Variants in ZNF407 observed in about 807,000 individuals in gnomAD.
ZNF407 encodes zinc finger protein 407.
ZNF407 carries 17 observed loss-of-function variants against 131.2 expected under a neutral mutation model. The observed-to-expected ratio is 0.13, with a 90% CI of 0.09 to 0.19. ZNF407 has a LOEUF of 0.19. Ranked by LOEUF, ZNF407 falls within the 10% of genes least tolerant of loss-of-function variation. ZNF407 has a pLI of 1.00. For synonymous variants in ZNF407, 1,156 were observed against 1,062.0 expected (o/e 1.09, Z -1.72); for missense variants, 2,681 against 2,830.6 (o/e 0.95, Z 1.20).
intron 3 of ZNF407, among the ~76,000 whole-genome samples, chr18:74,677,747 G>T: frequency 6.6e-6 from 1 of 152,026 alleles, no homozygotes; most frequent in Non-Finnish European, 1.5e-5. Context: ...TTCCAATATT[G>T]AAGCCCCTTT....
At chr18:74,993,291 T>C (rs1334152594) in intron 8 of ZNF407, among the ~76,000 whole-genome samples, 43 of 152,178 alleles carry the variant, frequency 2.8e-4, no homozygotes, top group Non-Finnish European at 2.9e-5. Flanking sequence ...GGACAATTCA[T>C]CCGTAACATG....
At chr18:74,825,737 A>G (rs1016276646) in intron 4 of ZNF407, among the ~76,000 whole-genome samples, 1 of 152,154 alleles carries the variant, frequency 6.6e-6, no homozygotes, top group Admixed American at 6.5e-5. Flanking sequence ...CTTATGATGT[A>G]TTGATTCTTA....
chr18:74,707,240 C>T (rs1053654765), intron 3 of ZNF407, among the ~76,000 whole-genome samples: 3 of 152,252 alleles, frequency 2.0e-5, no homozygotes, highest in South Asian at 2.1e-4. Flanking sequence ...AGTGAGTCAC[C>T]GTACCCAGCT....
Position 74,634,686 on chromosome 18 carries a change from G to A in ZNF407, c.3667G>A (p.Ala1223Thr). The A allele has an allele frequency of 6.2e-7, 1 of 1,614,028 alleles. No individual in the cohort carries two copies. The change falls in exon 2 of 9, where the codon GCA (alanine) becomes ACA (threonine). Residue 1223 changes from alanine to threonine, a missense_variant. Ala to Thr is a moderately conservative substitution (Grantham distance 58, BLOSUM62 0). Around this residue, in one of 6 missense-constraint regions of ZNF407, gnomAD observed 1,789 missense variants for 1,748.7 expected, o/e 1.02. Coordinates refer to ENST00000299687, the MANE Select transcript of ZNF407 (RefSeq NM_017757.3). ...AKKNHEISND[A>T]GELRVHCEGE... The stretch of plus-strand genomic sequence containing the variant: ...GAAAAACCATGAGATATCGAATGAT[G>A]CAGGTGAGCTGCGTGTCCATTGTGA...
chr18:74,877,744 A>G (rs1423917621), intron 5 of ZNF407, among the ~76,000 whole-genome samples: 1 of 152,184 alleles, frequency 6.6e-6, no homozygotes, highest in Non-Finnish European at 1.5e-5. Flanking sequence ...TTTGTTACTG[A>G]TATAAACGAA....
At chr18:74,920,414 T>C in intron 7 of ZNF407, 100 bp from the exon 8 acceptor site, 1 of 991,796 alleles carries the variant, frequency 1.0e-6, no homozygotes, top group Non-Finnish European at 1.4e-6. Flanking sequence ...CTTAAAATAG[T>C]ACCAAACACA....
chr18:74,627,850 C>T (rs1339266461), intron 1 of ZNF407, among the ~76,000 whole-genome samples: 2 of 142,608 alleles, frequency 1.4e-5, no homozygotes, highest in African/African-American at 5.2e-5. Flanking sequence ...CACCCCGCCC[C>T]GCCCCGCCCC....
intron 4 of ZNF407, among the ~76,000 whole-genome samples, chr18:74,826,363 C>T (rs995880222): frequency 6.6e-6 from 1 of 152,162 alleles, no homozygotes; most frequent in Admixed American, 6.6e-5. Context: ...TCATTTATCT[C>T]AGTCATAACT....
intron 8 of ZNF407, among the ~76,000 whole-genome samples, chr18:75,007,303 T>C (rs1972922381): frequency 1.3e-5 from 2 of 152,222 alleles, no homozygotes; most frequent in Admixed American, 6.5e-5. Context: ...TCCATCTTTT[T>C]TCTTCTGCAC....
At chr18:74,770,405 A>T (rs192536799) in intron 3 of ZNF407, among the ~76,000 whole-genome samples, 3 of 152,274 alleles carry the variant, frequency 2.0e-5, no homozygotes, top group African/African-American at 7.2e-5. Flanking sequence ...TCAAAAAAAT[A>T]ACCAACCTTT....
chr18:74,858,977 A>G (rs1970899083), intron 4 of ZNF407, among the ~76,000 whole-genome samples: 1 of 151,912 alleles, frequency 6.6e-6, no homozygotes, highest in Non-Finnish European at 1.5e-5. Context: ...ATGGCCCCTG[A>G]GTACAGCGAG....
In ZNF407 at chr18:75,004,861, C is replaced by T. The variant is rs559445119; in HGVS notation, c.5429-58289C>T. Reference sequence around the variant, plus strand: ...ACCCCTCACCGGGGTGGTAAATACGCCTCTCCTCGGCCCCACCGCACTTAG... The same window carrying T: ...ACCCCTCACCGGGGTGGTAAATACGTCTCTCCTCGGCCCCACCGCACTTAG... On this transcript the variant is annotated intron_variant, in intron 8 of 8. Transcript: ENST00000299687. Among the ~76,000 whole-genome samples the T allele has an allele frequency of 3.9e-5, 6 of 152,270 alleles. 1 individual carries two copies. In the South Asian group the frequency reaches 1.2e-3, roughly 32 times the overall value.
At chr18:74,683,319 T>A (rs1967028345) in intron 3 of ZNF407, among the ~76,000 whole-genome samples, 1 of 152,240 alleles carries the variant, frequency 6.6e-6, no homozygotes, top group Admixed American at 6.5e-5. Context: ...TAATATCTTT[T>A]ATAGTTTATA....
intron 7 of ZNF407, among the ~76,000 whole-genome samples, chr18:74,917,416 A>G (rs896828773): frequency 2.6e-5 from 4 of 152,220 alleles, no homozygotes; most frequent in Admixed American, 2.0e-4. Flanking sequence ...GTATAAGAAT[A>G]TATGTGTGGA....
chr18:74,669,740 A>C (rs1045097134), intron 3 of ZNF407, among the ~76,000 whole-genome samples: 6 of 152,184 alleles, frequency 3.9e-5, no homozygotes, highest in African/African-American at 1.4e-4. Flanking sequence ...GACGAACTGC[A>C]TCTCTGTTTT....
chr18:74,741,301 T>C (rs2144920263), intron 3 of ZNF407, among the ~76,000 whole-genome samples: 1 of 152,302 alleles, frequency 6.6e-6, no homozygotes, highest in South Asian at 2.1e-4. Context: ...TGTGAATGTG[T>C]GTATATGTGT....
At chr18:74,771,546 A>ATTAATTTG (rs1248020274) in intron 3 of ZNF407, among the ~76,000 whole-genome samples, 2 of 59,846 alleles carry the variant, frequency 3.3e-5, no homozygotes, top group Non-Finnish European at 7.1e-5. Flanking sequence ...GTCTTTAATA[A>ATTAATTTG]TTTCAGTTTT....
At chr18:74,613,368 G>A (rs1416379889) in intron 1 of ZNF407, among the ~76,000 whole-genome samples, 1 of 152,144 alleles carries the variant, frequency 6.6e-6, no homozygotes, top group African/African-American at 2.4e-5. Flanking sequence ...AACTTAACAT[G>A]TATAGGAAAA....
intron 3 of ZNF407, among the ~76,000 whole-genome samples, chr18:74,746,960 G>T (rs540725733): frequency 6.6e-6 from 1 of 152,170 alleles, no homozygotes; most frequent in Admixed American, 6.6e-5. Flanking sequence ...TTTATTTATA[G>T]CAGCATCACC....
Sources: allele counts gnomAD v4.1 joint callset (sites outside exome capture counted in the v4.1 genomes callset), GRCh38; gene constraint gnomAD v4.1.1; regional missense constraint gnomAD v4.1.1; transcripts MANE v1.5; gene names NCBI Gene and HGNC (gene_info 2026-07-23, HGNC 2026-07-21).